Variants in ANKRD44 observed in about 807,000 individuals in gnomAD.
The protein encoded by ANKRD44 is serine/threonine-protein phosphatase 6 regulatory ankyrin repeat subunit B.
A neutral mutation model predicts 116.0 loss-of-function variants in ANKRD44; 35 were observed. The observed-to-expected ratio is 0.30, with a 90% CI of 0.23 to 0.40. ANKRD44 has a LOEUF of 0.40. Ranked by LOEUF, ANKRD44 falls within the 10% of genes least tolerant of loss-of-function variation. ANKRD44 has a pLI of 1.00. For synonymous variants in ANKRD44, 435 were observed against 461.8 expected (o/e 0.94, Z 0.74); for missense variants, 1,014 against 1,242.6 (o/e 0.82, Z 2.77).
At chr2:197,016,089 A>C (rs2076387657) in intron 17 of ANKRD44, 2 of 437,812 alleles carry the variant, frequency 4.6e-6, no homozygotes, top group Admixed American at 2.6e-5. Flanking sequence ...GGTTACTTTG[A>C]GACAATTGTC....
intron 1 of ANKRD44, among the ~76,000 whole-genome samples, chr2:197,218,063 A>C (rs2081491784): frequency 6.6e-6 from 1 of 152,212 alleles, no homozygotes; most frequent in Admixed American, 6.5e-5. Flanking sequence ...AGAATAAAAT[A>C]AAAGAAAAGA....
chr2:197,070,871 T>C (rs1404603609), intron 16 of ANKRD44, among the ~76,000 whole-genome samples: 3 of 152,304 alleles, frequency 2.0e-5, no homozygotes, highest in Admixed American at 2.0e-4. Context: ...TGCCTGGAAA[T>C]TTCTTTAGGG....
At chr2:197,210,300 CA>C in intron 1 of ANKRD44, among the ~76,000 whole-genome samples, 1 of 152,200 alleles carries the variant, frequency 6.6e-6, no homozygotes, top group East Asian at 1.9e-4. Context: ...TACTGTATGG[CA>C]AGCACTTTTC....
chr2:197,152,186 T>C (rs758310271), intron 2 of ANKRD44, among the ~76,000 whole-genome samples: 1 of 152,200 alleles, frequency 6.6e-6, no homozygotes, highest in Non-Finnish European at 1.5e-5. Context: ...CCGAGCTAAG[T>C]GCATTATTTG....
intron 21 of ANKRD44, among the ~76,000 whole-genome samples, chr2:196,980,919 T>A (rs2075797069): frequency 6.6e-6 from 1 of 152,230 alleles, no homozygotes; most frequent in Non-Finnish European, 1.5e-5. Flanking sequence ...AGTTAAATGT[T>A]CTCATTTATT....
rs1291018023 is a variant in ANKRD44 at position 197,001,909 on chromosome 2, CATTAAGT to C, written c.2348-76_2348-70del. 3.5e-6 allele frequency: 4 copies of C among 1,157,698 alleles called. No individual in the cohort carries two copies. The African/African-American group carries it at 4.6e-5, about 13-fold the overall frequency. The allele number at this position is 1,157,698 out of a possible 1,614,324, so 71.7% of individuals were successfully genotyped here. On this transcript the variant is annotated intron_variant, in intron 21 of 27. Transcript: ENST00000282272. ...TTTTGTTCAACCCAATCTGCTTTTT[CATTAAGT>C]ATTGAGTTTTTGGTTTATGAATTTT... is the stretch of plus-strand genomic sequence containing the variant.
At chr2:197,206,831 A>C (rs576835289) in intron 1 of ANKRD44, among the ~76,000 whole-genome samples, 1 of 152,354 alleles carries the variant, frequency 6.6e-6, no homozygotes, top group South Asian at 2.1e-4. Context: ...GTCATTAAGC[A>C]TAGGAGTCAC....
intron 2 of ANKRD44, among the ~76,000 whole-genome samples, chr2:197,150,874 C>T (rs945398708): frequency 6.6e-6 from 1 of 151,952 alleles, no homozygotes; most frequent in African/African-American, 2.4e-5. Context: ...CTTGAAGTGG[C>T]CTTGAAGAAA....
At chr2:197,094,460 G>A (rs1432965950) in intron 10 of ANKRD44, among the ~76,000 whole-genome samples, 2 of 152,208 alleles carry the variant, frequency 1.3e-5, no homozygotes, top group Non-Finnish European at 2.9e-5. Flanking sequence ...ATTCATATAA[G>A]GTTAATTGGT....
intron 20 of ANKRD44, among the ~76,000 whole-genome samples, chr2:197,007,289 T>C (rs1048318734): frequency 9.9e-5 from 15 of 151,730 alleles, no homozygotes; most frequent in Admixed American, 7.2e-4. Context: ...AAAAATGAAA[T>C]GAAAAAAGAT....
intron 9 of ANKRD44, among the ~76,000 whole-genome samples, chr2:197,108,186 C>G (rs1030680980): frequency 1.3e-5 from 2 of 152,156 alleles, no homozygotes; most frequent in Non-Finnish European, 2.9e-5. Flanking sequence ...CCTCAACATA[C>G]TGGCCATTTA....
At chr2:197,246,969 A>C (rs2712887) in intron 1 of ANKRD44, among the ~76,000 whole-genome samples, 43,129 of 151,708 alleles carry the variant, frequency 0.28, 6,666 homozygotes, top group African/African-American at 0.41. Flanking sequence ...AAATCCAAAC[A>C]TTCGAGCCTG....
chr2:197,245,123 G>A (rs1329832850), intron 1 of ANKRD44, among the ~76,000 whole-genome samples: 1 of 152,156 alleles, frequency 6.6e-6, no homozygotes, highest in African/African-American at 2.4e-5. Flanking sequence ...AGCCAGGAAT[G>A]GTGGTGCAGT....
chr2:196,967,464 AAAAG>A, intron 21 of ANKRD44: 2 of 461,830 alleles, frequency 4.3e-6, no homozygotes, highest in Non-Finnish European at 9.1e-6. Flanking sequence ...GCCATTTAAA[AAAAG>A]AAAAGAAAAG....
Position 197,110,775 on chromosome 2 carries a change from T to C in ANKRD44, c.976A>G (p.Ile326Val). Residue 326 changes from isoleucine (I) to valine (V), a missense_variant, in exon 9 of 28, where the codon ATT (isoleucine) becomes GTT (valine). Coordinates refer to ENST00000282272, the MANE Select transcript of ANKRD44 (RefSeq NM_001195144.2). The part of the protein sequence containing the change: ...HGRFTRSQTL[I>V]QNGGEIDCVD... ...GAAGCATCTCTCTTACCATTCTGAA[T>C]GAGGGTCTGTGACCGTGTGAACCTT... is the stretch of plus-strand genomic sequence containing the variant. 3 of 1,613,436 alleles carry C rather than the reference T, an allele frequency of 1.9e-6. No homozygotes were observed. The highest frequency in any genetic ancestry group is 2.5e-6 in the Non-Finnish European group (3 of 1,179,402).
intron 1 of ANKRD44, among the ~76,000 whole-genome samples, chr2:197,239,538 A>C (rs1216386119): frequency 3.3e-5 from 5 of 152,230 alleles, no homozygotes; most frequent in Non-Finnish European, 7.3e-5. Context: ...CCAAAAAAAC[A>C]GTCTTTAATC....
At chr2:197,019,504 G>T (rs903704761) in intron 17 of ANKRD44, among the ~76,000 whole-genome samples, 2 of 152,160 alleles carry the variant, frequency 1.3e-5, no homozygotes, top group African/African-American at 4.8e-5. Flanking sequence ...TGCCCAGGAT[G>T]ACACAGAAGG....
intron 25 of ANKRD44, among the ~76,000 whole-genome samples, chr2:196,996,846 G>A (rs901435603): frequency 1.4e-5 from 2 of 147,206 alleles, no homozygotes; most frequent in African/African-American, 2.5e-5. Flanking sequence ...GGAGGTTGCA[G>A]TGGGCCAAGA....
intron 1 of ANKRD44, among the ~76,000 whole-genome samples, chr2:197,190,243 C>T (rs2080791631): frequency 6.6e-6 from 1 of 152,226 alleles, no homozygotes; most frequent in South Asian, 2.1e-4. Context: ...GAGTCATACA[C>T]AAACCCCTTC....
Sources: allele counts gnomAD v4.1 joint callset (sites outside exome capture counted in the v4.1 genomes callset), GRCh38; gene constraint gnomAD v4.1.1; transcripts MANE v1.5; gene names NCBI Gene and HGNC (gene_info 2026-07-23, HGNC 2026-07-21).